Variants in PCDH9 observed in about 807,000 individuals in gnomAD.
PCDH9 encodes protocadherin 9.
In PCDH9, 24 loss-of-function variants were observed where a neutral mutation model predicts 70.6. The ratio of observed to expected loss-of-function variants is 0.34; its 90% CI spans 0.25 to 0.48. The LOEUF is 0.48. Ranked by LOEUF, PCDH9 falls within the 20% of genes least tolerant of loss-of-function variation. The probability of loss-of-function intolerance (pLI) is 0.99; values close to 1 mark genes in which losing one functional copy is unlikely to be tolerated. For synonymous variants in PCDH9, 562 were observed against 558.5 expected (o/e 1.01, Z -0.09); for missense variants, 1,281 against 1,503.6 (o/e 0.85, Z 2.45).
intron 4 of PCDH9, among the ~76,000 whole-genome samples, chr13:66,496,021 T>TATTATTTTTAAAAAGTGATAAATCGTGA (rs1959111450): frequency 6.6e-6 from 1 of 152,190 alleles, no homozygotes; most frequent in Non-Finnish European, 1.5e-5. Flanking sequence ...ACAAAGCCCA[T>TATTATTTTTAAAAAGTGATAAATCGTGA]AGCAATACTT....
intron 4 of PCDH9, among the ~76,000 whole-genome samples, chr13:66,333,434 C>T (rs1347139117): frequency 6.6e-6 from 1 of 152,160 alleles, no homozygotes; most frequent in South Asian, 2.1e-4. Flanking sequence ...AGCCTCAAGC[C>T]GCTGTCCCTT....
chr13:66,599,964 G>A (rs1363333464), intron 4 of PCDH9, among the ~76,000 whole-genome samples: 14 of 151,908 alleles, frequency 9.2e-5, no homozygotes, highest in African/African-American at 2.7e-4. Flanking sequence ...CTTCTTGACT[G>A]ATAGGATATT....
chr13:66,458,065 G>A (rs1194834105), intron 4 of PCDH9, among the ~76,000 whole-genome samples: 4 of 151,912 alleles, frequency 2.6e-5, no homozygotes, highest in Admixed American at 6.6e-5. Flanking sequence ...CTAACAAACC[G>A]TTACATGCAG....
intron 4 of PCDH9, among the ~76,000 whole-genome samples, chr13:66,484,303 C>T (rs1027796342): frequency 1.3e-5 from 2 of 152,052 alleles, no homozygotes; most frequent in African/African-American, 4.8e-5. Context: ...GATTCAGGAA[C>T]TGTAAACACT....
chr13:67,025,901 T>C (rs2084771280), intron 2 of PCDH9, among the ~76,000 whole-genome samples: 1 of 152,164 alleles, frequency 6.6e-6, no homozygotes, highest in African/African-American at 2.4e-5. Context: ...TAAATGTATA[T>C]GAATAATTAT....
intron 2 of PCDH9, among the ~76,000 whole-genome samples, chr13:67,038,988 G>A (rs1048951061): frequency 6.6e-6 from 1 of 152,182 alleles, no homozygotes; most frequent in African/African-American, 2.4e-5. Context: ...CAAAACACCA[G>A]GGAGGAGAGG....
chr13:67,131,697 G>T (rs1462232541), intron 2 of PCDH9, among the ~76,000 whole-genome samples: 1 of 152,094 alleles, frequency 6.6e-6, no homozygotes, highest in Non-Finnish European at 1.5e-5. Flanking sequence ...GCATATCAAA[G>T]AAACTAAGTA....
intron 4 of PCDH9, among the ~76,000 whole-genome samples, chr13:66,384,129 A>C (rs907612887): frequency 3.9e-5 from 6 of 152,118 alleles, no homozygotes; most frequent in South Asian, 2.1e-4. Flanking sequence ...CATTATAAAT[A>C]GTTGATCTTT....
intron 2 of PCDH9, chr13:67,205,966 A>C (rs2089330161): frequency 6.6e-6 from 1 of 152,126 alleles, no homozygotes; most frequent in Non-Finnish European, 1.5e-5. Flanking sequence ...TGTTTTAGAC[A>C]GGGTCTTGCT....
intron 4 of PCDH9, among the ~76,000 whole-genome samples, chr13:66,414,639 G>C (rs1000919330): frequency 6.6e-6 from 1 of 152,140 alleles, no homozygotes; most frequent in Non-Finnish European, 1.5e-5. Flanking sequence ...TATAGTTTTT[G>C]CAGGATGCTA....
Position 67,226,970 on chromosome 13 carries a change from T to C in PCDH9, c.1471A>G (p.Ile491Val), listed in dbSNP as rs751661836. 4 of 1,614,226 alleles carry C rather than the reference T, an allele frequency of 2.5e-6. No individual in the cohort carries two copies. The highest frequency in any genetic ancestry group is 1.1e-5 in the South Asian group (1 of 91,080). ...CCACTGTCTTCATCTGTGGCACTAA[T>C]AGTTGTTAAGTATAACCCACGTCGG... ...NNRRGLYLTTISATDEDSGKN... is the reference protein window; with the variant it reads ...NNRRGLYLTTVSATDEDSGKN... Residue 491 changes from isoleucine to valine, a missense_variant, in exon 2 of 5, where the codon ATT becomes GTT. Around this residue, in one of 4 missense-constraint regions of PCDH9, gnomAD observed 798 missense variants for 1,003.1 expected, o/e 0.80. Coordinates refer to ENST00000377865, the MANE Select transcript of PCDH9 (RefSeq NM_203487.3). This position sits in a 1 kb window ranked among gnomAD's most constrained non-coding sequence, Gnocchi z 5.0.
intron 2 of PCDH9, among the ~76,000 whole-genome samples, chr13:66,989,587 C>A (rs1048934133): frequency 6.6e-6 from 1 of 151,796 alleles, no homozygotes; most frequent in Non-Finnish European, 1.5e-5. Context: ...TTTCACTCAA[C>A]CTCTTTACCA....
chr13:67,058,254 G>A (rs148260291), intron 2 of PCDH9, among the ~76,000 whole-genome samples: 397 of 152,128 alleles, frequency 2.6e-3, no homozygotes, highest in African/African-American at 9.3e-3. Context: ...CCACACACAC[G>A]TGCGAACATA....
intron 2 of PCDH9, among the ~76,000 whole-genome samples, chr13:66,906,023 C>A (rs2082354586): frequency 6.6e-6 from 1 of 152,076 alleles, no homozygotes; most frequent in East Asian, 1.9e-4. Flanking sequence ...TGTTATGTGT[C>A]AGAATTGTAC....
rs530012250 is a variant in PCDH9, at chr13:66,408,005, A to G, written c.3341-102977T>C. On this transcript the variant is annotated intron_variant, in intron 4 of 4. Transcript: ENST00000377865. ...ACAATTCTGATTTTAAACAAAATTCAAGTGAATATCCTCAATAGAAACAAA... is the reference window on the plus strand; with the variant it reads ...ACAATTCTGATTTTAAACAAAATTCGAGTGAATATCCTCAATAGAAACAAA... Among the ~76,000 whole-genome samples the G allele has an allele frequency of 2.2e-4, 34 of 152,164 alleles. No individual in the cohort carries two copies. In the South Asian group the frequency reaches 7.0e-3, roughly 31 times the overall value.
At chr13:66,978,262 A>G (rs1290658929) in intron 2 of PCDH9, 2 of 152,046 alleles carry the variant, frequency 1.3e-5, no homozygotes, top group Non-Finnish European at 1.5e-5. Flanking sequence ...GAAATTCAGG[A>G]GCCAATTTAA....
At chr13:67,207,286 G>T (rs1397744259) in intron 2 of PCDH9, 1 of 152,032 alleles carries the variant, frequency 6.6e-6, no homozygotes, top group Non-Finnish European at 1.5e-5. Flanking sequence ...AAAGTTCCAT[G>T]ATAGAGACAG....
At chr13:67,177,385 C>A (rs1260942624) in intron 2 of PCDH9, among the ~76,000 whole-genome samples, 2 of 152,090 alleles carry the variant, frequency 1.3e-5, no homozygotes, top group Non-Finnish European at 2.9e-5. Context: ...GTTCAATTGG[C>A]TGTATGCCAG....
intron 4 of PCDH9, among the ~76,000 whole-genome samples, chr13:66,502,895 T>G (rs902739867): frequency 7.9e-5 from 12 of 152,100 alleles, no homozygotes; most frequent in African/African-American, 2.9e-4. Flanking sequence ...AAGGAGAAAT[T>G]TAAGAGAAAA....
Sources: allele counts gnomAD v4.1 joint callset (sites outside exome capture counted in the v4.1 genomes callset), GRCh38; gene constraint gnomAD v4.1.1; regional missense constraint gnomAD v4.1.1; non-coding constraint Gnocchi (gnomAD v3.1); transcripts MANE v1.5; gene names NCBI Gene and HGNC (gene_info 2026-07-23, HGNC 2026-07-21).